Variants in RASGRF2 observed in about 807,000 individuals in gnomAD.
RASGRF2 encodes the protein Ras protein specific guanine nucleotide releasing factor 2.
In RASGRF2, 76 loss-of-function variants were observed where a neutral mutation model predicts 151.0. The ratio of observed to expected loss-of-function variants is 0.50; its 90% CI spans 0.42 to 0.61. The LOEUF is 0.61. Among genes scored for constraint, RASGRF2 ranks in the 20% least tolerant of loss-of-function variants. The pLI is 0.00. For synonymous variants in RASGRF2, 504 were observed against 566.5 expected (o/e 0.89, Z 1.57); for missense variants, 1,148 against 1,564.6 (o/e 0.73, Z 4.49).
intron 1 of RASGRF2, among the ~76,000 whole-genome samples, chr5:80,971,417 C>G (rs1259481527): frequency 6.6e-6 from 1 of 152,072 alleles, no homozygotes; most frequent in Non-Finnish European, 1.5e-5. Flanking sequence ...TCATTTCTTT[C>G]TTTCTCTCTT....
intron 1 of RASGRF2, among the ~76,000 whole-genome samples, chr5:80,969,285 C>G (rs1468593895): frequency 1.3e-5 from 2 of 151,486 alleles, no homozygotes; most frequent in African/African-American, 4.9e-5. Context: ...TGTGCACCAC[C>G]ACACCCGGCT....
At position 81,135,398 on chromosome 5, in the gene RASGRF2, C is replaced by G. The variant is rs9293835; in HGVS notation, c.2686+8235C>G. ...TCACAATACATTTTAGAACATTTCC[C>G]CAAGCCCTTTAGCTGTTAGCAGTCA... On this transcript the variant is annotated intron_variant, in intron 17 of 26. Coordinates refer to ENST00000265080, the MANE Select transcript of RASGRF2 (RefSeq NM_006909.3). 6.8e-3 allele frequency among the ~76,000 whole-genome samples: 1,038 copies of G among 152,286 alleles called. 8 individuals are homozygous for G. Among genetic ancestry groups the G allele is most frequent in the African/African-American group, 0.024 (1,005 of 41,574 alleles).
rs753171568 is a variant in RASGRF2 at position 81,092,937 on chromosome 5, A to G, written c.1527A>G (p.Ser509=). 6 of 1,612,480 alleles carry G rather than the reference A, an allele frequency of 3.7e-6. No homozygotes were observed. The highest frequency in any genetic ancestry group is 5.1e-6 in the Non-Finnish European group (6 of 1,178,940). ...ACTTTTTAATATGTACAAGAAGTTC[A>G]GGAGGGAAGCTTCATCTGCTCAAGG... ...TKHFLICTRS[S]GGKLHLLKTG... The change falls in exon 10 of 27, where the codon TCA becomes TCG. Residue 509 remains serine (S), a synonymous_variant. Coordinates refer to ENST00000265080, the MANE Select transcript of RASGRF2 (RefSeq NM_006909.3).
intron 1 of RASGRF2, among the ~76,000 whole-genome samples, chr5:80,978,845 T>C (rs1748212061): frequency 6.6e-6 from 1 of 152,164 alleles, no homozygotes; most frequent in Non-Finnish European, 1.5e-5. Flanking sequence ...ATATAGACTT[T>C]AGGATTCTGA....
chr5:81,116,499 G>C (rs1353712751), intron 15 of RASGRF2, among the ~76,000 whole-genome samples: 1 of 152,116 alleles, frequency 6.6e-6, no homozygotes, highest in African/African-American at 2.4e-5. Flanking sequence ...AGTCCTCTTA[G>C]GGCTTTCTAG....
intron 1 of RASGRF2, among the ~76,000 whole-genome samples, chr5:81,009,489 TG>T (rs1329084483): frequency 6.6e-6 from 1 of 152,200 alleles, no homozygotes; most frequent in Admixed American, 6.5e-5. Flanking sequence ...ACATCAGACT[TG>T]GCAAACATGA....
At chr5:81,194,784 GGTTTCTTTTGTTAAT>G (rs975234421) in intron 18 of RASGRF2, among the ~76,000 whole-genome samples, 4 of 152,154 alleles carry the variant, frequency 2.6e-5, no homozygotes, top group African/African-American at 4.8e-5. Context: ...AGCCTCTCTT[GGTTTCTTTTGTTAAT>G]GTTTCTTTCA....
intron 18 of RASGRF2, chr5:81,183,394 G>T: frequency 2.3e-6 from 2 of 858,114 alleles, no homozygotes; most frequent in Non-Finnish European, 2.8e-6. Context: ...TGGGGTTAGG[G>T]GTTGGTTCTC....
chr5:81,024,786 A>G (rs758602624), intron 1 of RASGRF2, among the ~76,000 whole-genome samples: 2 of 152,212 alleles, frequency 1.3e-5, no homozygotes, highest in African/African-American at 4.8e-5. Flanking sequence ...CTGTAATACA[A>G]TAAAAAGTTC....
intron 1 of RASGRF2, among the ~76,000 whole-genome samples, chr5:80,984,355 G>A (rs929060153): frequency 3.3e-5 from 5 of 152,104 alleles, no homozygotes; most frequent in African/African-American, 1.2e-4. Context: ...ACCTGGCCTC[G>A]TGTTTCTTGT....
intron 1 of RASGRF2, among the ~76,000 whole-genome samples, chr5:81,041,827 A>G (rs542981026): frequency 5.9e-5 from 9 of 152,290 alleles, no homozygotes; most frequent in Non-Finnish European, 1.2e-4. Context: ...ATCACTGCGT[A>G]AGCTCCCTCA....
chr5:81,188,713 G>A (rs534883624), intron 18 of RASGRF2, among the ~76,000 whole-genome samples: 11 of 152,174 alleles, frequency 7.2e-5, no homozygotes, highest in East Asian at 1.9e-4. Flanking sequence ...AGAGGAGGTC[G>A]ATGTTGTTAT....
intron 2 of RASGRF2, among the ~76,000 whole-genome samples, chr5:81,051,962 C>T (rs967908414): frequency 6.6e-6 from 1 of 152,208 alleles, no homozygotes; most frequent in African/African-American, 2.4e-5. Context: ...GTGCCAGTTT[C>T]TTCACATCCT....
At chr5:81,012,064 C>T (rs910334303) in intron 1 of RASGRF2, among the ~76,000 whole-genome samples, 14 of 152,180 alleles carry the variant, frequency 9.2e-5, no homozygotes, top group African/African-American at 3.4e-4. Context: ...TCGAGCATCC[C>T]AGCTTTTAAA....
intron 26 of RASGRF2, among the ~76,000 whole-genome samples, chr5:81,224,083 A>G (rs904749568): frequency 2.0e-5 from 3 of 152,252 alleles, no homozygotes; most frequent in African/African-American, 7.2e-5. Flanking sequence ...AACATATACA[A>G]CAAAGAAACA....
intron 2 of RASGRF2, among the ~76,000 whole-genome samples, chr5:81,061,798 C>T (rs990760126): frequency 5.3e-5 from 8 of 152,036 alleles, no homozygotes; most frequent in South Asian, 4.2e-4. Flanking sequence ...GTTACCCTCC[C>T]GCCTTGGCCC....
At chr5:81,023,256 G>A (rs528946749) in intron 1 of RASGRF2, among the ~76,000 whole-genome samples, 1 of 152,318 alleles carries the variant, frequency 6.6e-6, no homozygotes, top group East Asian at 1.9e-4. Flanking sequence ...GGAACTTATT[G>A]TCATTGTAGA....
chr5:81,105,441 G>A (rs766406379), intron 12 of RASGRF2, among the ~76,000 whole-genome samples: 3 of 152,172 alleles, frequency 2.0e-5, no homozygotes, highest in Non-Finnish European at 2.9e-5. Flanking sequence ...CTTAAACAGT[G>A]TGGTTGTCTC....
chr5:81,111,428 A>G (rs1224435763), intron 13 of RASGRF2, among the ~76,000 whole-genome samples: 1 of 152,168 alleles, frequency 6.6e-6, no homozygotes, highest in Non-Finnish European at 1.5e-5. Context: ...AAAGCAGTGG[A>G]TTGCAGGATG....
Sources: gnomAD v4.1 joint callset for allele counts (sites outside exome capture counted in the v4.1 genomes callset) on GRCh38, gnomAD v4.1.1 for gene constraint, MANE v1.5 for transcripts, NCBI Gene and HGNC (gene_info 2026-07-23, HGNC 2026-07-21) for gene names.